ASIC2: variants seen among roughly 807,000 people sequenced by gnomAD.
ASIC2 encodes the protein acid sensing ion channel subunit 2.
In ASIC2, 25 loss-of-function variants were observed where a neutral mutation model predicts 57.3. That is an observed-to-expected ratio of 0.44 (90% CI 0.32 to 0.61). The LOEUF is 0.61. Ranked by LOEUF, ASIC2 falls within the 20% of genes least tolerant of loss-of-function variation. The probability of loss-of-function intolerance (pLI) is 0.06; values close to 1 mark genes in which losing one functional copy is unlikely to be tolerated. For missense variants in ASIC2, 641 were observed against 738.1 expected (o/e 0.87, Z 1.52); for synonymous variants, 319 against 307.5 (o/e 1.04, Z -0.39).
chr17:33,188,945 G>T (rs1170246325), intron 1 of ASIC2, among the ~76,000 whole-genome samples: 1 of 152,114 alleles, frequency 6.6e-6, no homozygotes, highest in African/African-American at 2.4e-5. Context: ...AAATAACAAT[G>T]TGTTGTGGGG....
At chr17:33,270,774 T>G (rs1322144272) in intron 1 of ASIC2, among the ~76,000 whole-genome samples, 1 of 152,240 alleles carries the variant, frequency 6.6e-6, no homozygotes, top group African/African-American at 2.4e-5. Context: ...CCTTCTGTAG[T>G]GTGTCTTACT....
chr17:33,182,578 A>G (rs1311130027), intron 1 of ASIC2, among the ~76,000 whole-genome samples: 1 of 152,164 alleles, frequency 6.6e-6, no homozygotes, highest in East Asian at 1.9e-4. Flanking sequence ...GTTCTTTTTT[A>G]GTACCTTGCT....
chr17:33,780,945 A>G (rs1911433314), intron 1 of ASIC2, among the ~76,000 whole-genome samples: 1 of 152,192 alleles, frequency 6.6e-6, no homozygotes, highest in Admixed American at 6.5e-5. Flanking sequence ...CATCCATAAA[A>G]TGGATGTGAT....
intron 1 of ASIC2, among the ~76,000 whole-genome samples, chr17:33,343,323 T>C (rs1907806379): frequency 1.3e-5 from 2 of 152,204 alleles, no homozygotes; most frequent in Non-Finnish European, 2.9e-5. Context: ...TGCTCCCTCT[T>C]CTAATCCTCT....
chr17:33,889,657 G>T (rs1427831864), intron 1 of ASIC2, among the ~76,000 whole-genome samples: 4 of 152,290 alleles, frequency 2.6e-5, no homozygotes, highest in Non-Finnish European at 5.9e-5. Context: ...TTTTCAATCA[G>T]ATGTTCACAC....
intron 1 of ASIC2, among the ~76,000 whole-genome samples, chr17:33,713,535 C>T (rs1909119844): frequency 6.6e-6 from 1 of 152,174 alleles, no homozygotes; most frequent in Non-Finnish European, 1.5e-5. Context: ...TCTCTTTGTC[C>T]AAATGTCCCT....
At chr17:33,472,510 A>G (rs1362826530) in intron 1 of ASIC2, among the ~76,000 whole-genome samples, 2 of 152,210 alleles carry the variant, frequency 1.3e-5, no homozygotes, top group African/African-American at 4.8e-5. Context: ...AGCTAGGAGC[A>G]GAAACCAGGT....
chr17:33,781,528 T>C (rs771217023), intron 1 of ASIC2, among the ~76,000 whole-genome samples: 2 of 152,174 alleles, frequency 1.3e-5, no homozygotes, highest in Non-Finnish European at 2.9e-5. Flanking sequence ...AAGTGGATCC[T>C]TGCCACCAGT....
intron 1 of ASIC2, among the ~76,000 whole-genome samples, chr17:33,960,177 G>T (rs1223478086): frequency 1.3e-5 from 2 of 152,288 alleles, no homozygotes; most frequent in South Asian, 4.1e-4. Context: ...TTCTCGTGTG[G>T]AAACTGCTGC....
At chr17:33,614,315 G>A (rs182079357) in intron 1 of ASIC2, among the ~76,000 whole-genome samples, 24 of 152,264 alleles carry the variant, frequency 1.6e-4, no homozygotes, top group African/African-American at 4.8e-4. Flanking sequence ...GCTGTACCCC[G>A]TCAGACTACC....
chr17:33,948,649 C>T (rs769756623), intron 1 of ASIC2, among the ~76,000 whole-genome samples: 5 of 152,216 alleles, frequency 3.3e-5, no homozygotes, highest in Non-Finnish European at 5.9e-5. Context: ...AATCCAAGAG[C>T]TGCCCTGGCT....
intron 1 of ASIC2, among the ~76,000 whole-genome samples, chr17:34,012,960 C>G (rs1366021962): frequency 1.3e-5 from 2 of 152,116 alleles, no homozygotes; most frequent in Non-Finnish European, 2.9e-5. Context: ...CCCCCACTTC[C>G]CCACCTGGCT....
At chr17:33,883,846 T>C (rs752259498) in intron 1 of ASIC2, among the ~76,000 whole-genome samples, 8 of 152,320 alleles carry the variant, frequency 5.3e-5, no homozygotes, top group East Asian at 1.9e-4. Context: ...TTAACACTTA[T>C]TGTAGTCAAT....
At chr17:34,067,752 G>A (rs73986829) in intron 1 of ASIC2, among the ~76,000 whole-genome samples, 4,067 of 152,212 alleles carry the variant, frequency 0.027, 184 homozygotes, top group African/African-American at 0.092. Flanking sequence ...AATGGCTAAC[G>A]TGGAAAGACA....
intron 1 of ASIC2, among the ~76,000 whole-genome samples, chr17:33,314,251 T>C (rs1655937936): frequency 6.6e-6 from 1 of 152,198 alleles, no homozygotes; most frequent in Non-Finnish European, 1.5e-5. Flanking sequence ...AAATTCTCTG[T>C]ACTGTTTTTA....
chr17:33,674,906 C>A (rs1220763497), intron 1 of ASIC2, among the ~76,000 whole-genome samples: 1 of 152,168 alleles, frequency 6.6e-6, no homozygotes, highest in Non-Finnish European at 1.5e-5. Flanking sequence ...TAACTCATTT[C>A]ACTTTTCTGA....
intron 1 of ASIC2, among the ~76,000 whole-genome samples, chr17:33,142,064 C>A (rs979241399): frequency 6.6e-6 from 1 of 152,220 alleles, no homozygotes; most frequent in Non-Finnish European, 1.5e-5. Flanking sequence ...AGACTACAAA[C>A]CCCTCAAGAG....
At chr17:34,035,672 A>C (rs904256922) in intron 1 of ASIC2, among the ~76,000 whole-genome samples, 2 of 152,200 alleles carry the variant, frequency 1.3e-5, no homozygotes, top group African/African-American at 4.8e-5. Flanking sequence ...CAATGAACTC[A>C]AACAAATTTA....
chr17:33,141,352 T>C (rs568403295), intron 1 of ASIC2, among the ~76,000 whole-genome samples: 4 of 152,280 alleles, frequency 2.6e-5, no homozygotes, highest in Admixed American at 2.6e-4. Context: ...CTTTTACAGG[T>C]TGTTGGGTTT....
Sources: allele counts gnomAD v4.1 joint callset (sites outside exome capture counted in the v4.1 genomes callset), GRCh38; gene constraint gnomAD v4.1.1; transcripts MANE v1.5; gene names NCBI Gene and HGNC (gene_info 2026-07-23, HGNC 2026-07-21).